Variants in NDUFA10 observed in about 807,000 individuals in gnomAD.
The protein encoded by NDUFA10 is NADH:ubiquinone oxidoreductase subunit A10.
A neutral mutation model predicts 47.8 loss-of-function variants in NDUFA10; 40 were observed. The ratio of observed to expected loss-of-function variants is 0.84; its 90% CI spans 0.65 to 1.09. The LOEUF (loss-of-function observed/expected upper bound fraction) is 1.09. Among genes scored for constraint, NDUFA10 ranks in the 50% least tolerant of loss-of-function variants. NDUFA10 has a pLI of 0.00. For synonymous variants in NDUFA10, 183 were observed against 172.2 expected, an observed-to-expected ratio of 1.06 and a Z score of -0.49; for missense variants, 413 against 451.1, an observed-to-expected ratio of 0.92 and a Z score of 0.76.
intron 4 of NDUFA10, among the ~76,000 whole-genome samples, chr2:239,901,996 AGAAAGTGGTTTCAT>A (rs1693560590): frequency 6.6e-6 from 1 of 152,174 alleles, no homozygotes; most frequent in African/African-American, 2.4e-5. Flanking sequence ...GGATGAGCGG[AGAAAGTGGTTTCAT>A]GAAATGGAAT....
intron 4 of NDUFA10, among the ~76,000 whole-genome samples, chr2:239,903,954 G>A (rs1693599557): frequency 6.6e-6 from 1 of 152,212 alleles, no homozygotes; most frequent in Non-Finnish European, 1.5e-5. Flanking sequence ...GAGAACCAGG[G>A]GCAGGCAATG....
chr2:240,015,878 G>A (rs1359619412), intron 4 of NDUFA10, among the ~76,000 whole-genome samples: 1 of 152,200 alleles, frequency 6.6e-6, no homozygotes, highest in Non-Finnish European at 1.5e-5. Context: ...AAATGGGCTG[G>A]GCACAGTGGC....
At chr2:239,982,019 G>A (rs893598792) in intron 9 of NDUFA10, 4 of 1,504,340 alleles carry the variant, frequency 2.7e-6, no homozygotes, top group Admixed American at 1.9e-5. Context: ...ATAACCGGCT[G>A]CCAACTACCT....
In NDUFA10 at chr2:239,982,293, T is replaced by C. The variant is rs1476891873; in HGVS notation, c.999+7781A>G. 2.5e-6 allele frequency: 4 copies of C among 1,578,542 alleles called. No individual in the cohort carries two copies. The East Asian group carries it at 6.8e-5, about 27-fold the overall frequency. On this transcript the variant is annotated intron_variant, in intron 9 of 9. Coordinates refer to ENST00000252711, the MANE Select transcript of NDUFA10 (RefSeq NM_004544.4). ...CCGACTTTACTTTTCTTTAGTTACT[T>C]GTCTTTTGCAATTTTCATAAAGCAA... is the stretch of plus-strand genomic sequence containing the variant.
chr2:239,976,781 A>G (rs1399852107), intron 9 of NDUFA10, among the ~76,000 whole-genome samples: 1 of 152,148 alleles, frequency 6.6e-6, no homozygotes, highest in African/African-American at 2.4e-5. Context: ...GGAGCCAGAA[A>G]CTATGAGCTG....
At chr2:240,003,976 C>A (rs890040552) in intron 8 of NDUFA10, among the ~76,000 whole-genome samples, 1 of 152,178 alleles carries the variant, frequency 6.6e-6, no homozygotes, top group South Asian at 2.1e-4. Flanking sequence ...GTGGTATCCA[C>A]GCTATCCACA....
intron 9 of NDUFA10, among the ~76,000 whole-genome samples, chr2:239,985,510 C>G (rs966999859): frequency 6.6e-6 from 1 of 151,400 alleles, no homozygotes; most frequent in Non-Finnish European, 1.5e-5. Flanking sequence ...CAGAAAGGAG[C>G]AGACACACGA....
At chr2:240,020,979 C>T in intron 3 of NDUFA10, 1 of 608,710 alleles carries the variant, frequency 1.6e-6, no homozygotes, top group East Asian at 2.8e-5. Context: ...CTATACAATC[C>T]ATAAATCTCA....
intron 8 of NDUFA10, 79 bp from the exon 9 acceptor site, chr2:239,990,261 T>A (rs565993452): frequency 1.7e-5 from 19 of 1,117,750 alleles, no homozygotes; most frequent in South Asian, 5.1e-5. Context: ...CGATTTTTTT[T>A]AAACATCCAT....
chr2:240,018,174 A>G (rs1697442165), intron 4 of NDUFA10, among the ~76,000 whole-genome samples: 1 of 152,174 alleles, frequency 6.6e-6, no homozygotes, highest in Non-Finnish European at 1.5e-5. Flanking sequence ...ATCCCAATTC[A>G]TCAAAATCAC....
intron 4 of NDUFA10, among the ~76,000 whole-genome samples, chr2:239,940,473 A>G (rs866421986): frequency 6.6e-6 from 1 of 152,386 alleles, no homozygotes; most frequent in South Asian, 2.1e-4. Flanking sequence ...AGGATTGAAT[A>G]TTGATGAACA....
rs367815275 is a variant in NDUFA10 at position 240,014,875 on chromosome 2, A to G, written c.548-15T>C. On this transcript the variant is annotated splice_polypyrimidine_tract_variant and intron_variant, in intron 4 of 9. Coordinates refer to ENST00000252711, the MANE Select transcript of NDUFA10 (RefSeq NM_004544.4). Reference sequence around the variant, plus strand: ...GTGGTCCACACCTGGCACATAGGAGAAAGGGGCGCTGTCACCTACCAGTCC... The same window carrying G: ...GTGGTCCACACCTGGCACATAGGAGGAAGGGGCGCTGTCACCTACCAGTCC... 237 of 1,613,998 alleles carry G rather than the reference A, an allele frequency of 1.5e-4. No individual in the cohort carries two copies. Among genetic ancestry groups the G allele is most frequent in the Non-Finnish European group, 1.9e-4 (229 of 1,180,002 alleles).
intron 9 of NDUFA10, among the ~76,000 whole-genome samples, chr2:239,988,323 C>A (rs148230337): frequency 8.0e-4 from 122 of 152,218 alleles, no homozygotes; most frequent in African/African-American, 2.9e-3. Flanking sequence ...AAAGGGTGAC[C>A]CTCCTAACAA....
At chr2:240,012,520 G>A (rs868306872) in intron 5 of NDUFA10, 1 of 152,104 alleles carries the variant, frequency 6.6e-6, no homozygotes, top group Admixed American at 6.5e-5. Flanking sequence ...AAATGAATAG[G>A]CCTGCGGTTT....
At chr2:239,944,498 G>A (rs1442011199) in intron 4 of NDUFA10, among the ~76,000 whole-genome samples, 5 of 152,244 alleles carry the variant, frequency 3.3e-5, no homozygotes, top group Non-Finnish European at 7.3e-5. Flanking sequence ...GGCGGGAAAT[G>A]ATTACCTTTC....
rs1285094885 is a variant in NDUFA10 at position 240,021,330 on chromosome 2, A to G, written c.327T>C (p.Asn109=). 2.5e-6 allele frequency: 4 copies of G among 1,614,076 alleles called. No homozygotes were observed. The highest frequency in any genetic ancestry group is 2.5e-6 in the Non-Finnish European group (3 of 1,180,036). The part of the protein sequence containing the change: ...GDGKPLATDY[N]GNCSLEKFYD... ...AAAATTTCTCCAAACTACAGTTGCC[A>G]TTATAGTCGGTGGCGAGGGGCTTCC... The change falls in exon 3 of 10, where the codon AAT becomes AAC. Residue 109 remains asparagine, a synonymous_variant. Coordinates refer to ENST00000252711, the MANE Select transcript of NDUFA10 (RefSeq NM_004544.4).
intron 4 of NDUFA10, among the ~76,000 whole-genome samples, chr2:240,015,662 C>A (rs781240910): frequency 6.6e-6 from 1 of 152,192 alleles, no homozygotes; most frequent in South Asian, 2.1e-4. Flanking sequence ...CCCAAGGGAA[C>A]CCTGCCGCTC....
intron 4 of NDUFA10, among the ~76,000 whole-genome samples, chr2:239,947,421 C>T (rs1377046664): frequency 6.6e-6 from 1 of 152,246 alleles, no homozygotes; most frequent in Non-Finnish European, 1.5e-5. Context: ...GGGCTTCCTG[C>T]AGCCACAGCC....
chr2:239,992,106 C>G (rs1400879579), intron 8 of NDUFA10, among the ~76,000 whole-genome samples: 1 of 152,036 alleles, frequency 6.6e-6, no homozygotes. Flanking sequence ...CAGTAAACTC[C>G]TAGATTTAAG....
Sources: gnomAD v4.1 joint callset for allele counts (sites outside exome capture counted in the v4.1 genomes callset) on GRCh38, gnomAD v4.1.1 for gene constraint, MANE v1.5 for transcripts, NCBI Gene and HGNC (gene_info 2026-07-23, HGNC 2026-07-21) for gene names.